Variants in MAF observed in about 807,000 individuals in gnomAD.
MAF encodes the protein MAF bZIP transcription factor, also known as transcription factor Maf.
MAF carries 10 observed loss-of-function variants against 22.0 expected under a neutral mutation model. That is an observed-to-expected ratio of 0.45 (90% CI 0.28 to 0.77). MAF has a LOEUF of 0.77. Among genes scored for constraint, MAF ranks in the 30% least tolerant of loss-of-function variants. The pLI is 0.12. For synonymous variants in MAF, 337 were observed against 255.8 expected, an observed-to-expected ratio of 1.32 and a Z score of -3.03; for missense variants, 544 against 548.4, an observed-to-expected ratio of 0.99 and a Z score of 0.08.
At chr16:79,440,638 G>A in the MAF span, among the ~76,000 whole-genome samples, 2,256 of 152,242 alleles carry the variant, frequency 0.015, 54 homozygotes, top group African/African-American at 0.051. Context: ...GTTTCACCAT[G>A]TTGACCTCGT....
At chr16:79,254,748 A>G in the MAF span, among the ~76,000 whole-genome samples, 1 of 152,166 alleles carries the variant, frequency 6.6e-6, no homozygotes, top group Non-Finnish European at 1.5e-5. Context: ...ACACCAAACC[A>G]TGCCCTTCCC....
intron 1 of MAF, chr16:79,596,868 G>A (rs1445272855): frequency 1.2e-5 from 13 of 1,048,022 alleles, no homozygotes; most frequent in East Asian, 5.6e-5. Flanking sequence ...TTTTATTAGC[G>A]TTCTAAACAG....
chr16:79,412,154 G>C, the MAF span, among the ~76,000 whole-genome samples: 1 of 152,150 alleles, frequency 6.6e-6, no homozygotes, highest in Non-Finnish European at 1.5e-5. Context: ...CTGTGACTGG[G>C]GGTAATTTAG....
At chr16:79,352,254 C>G in the MAF span, among the ~76,000 whole-genome samples, 1 of 152,160 alleles carries the variant, frequency 6.6e-6, no homozygotes, top group Non-Finnish European at 1.5e-5. Context: ...CACGGGGAGA[C>G]TCTTTTACCT....
At chr16:79,203,439 A>C in the MAF span, 1 of 151,678 alleles carries the variant, frequency 6.6e-6, no homozygotes, top group African/African-American at 2.4e-5. Context: ...TTGTTTCTGG[A>C]AGGCAGAGTT....
At chr16:79,580,373 C>T in the MAF span, among the ~76,000 whole-genome samples, 87 of 152,260 alleles carry the variant, frequency 5.7e-4, no homozygotes, top group African/African-American at 2.0e-3. Flanking sequence ...ACACGGTTCC[C>T]CCAAACTGCA....
At chr16:79,320,467 G>A in the MAF span, among the ~76,000 whole-genome samples, 1 of 152,222 alleles carries the variant, frequency 6.6e-6, no homozygotes, top group East Asian at 1.9e-4. Context: ...CAGTGGAAAT[G>A]TAGGCCCATC....
chr16:79,407,181 C>G, the MAF span, among the ~76,000 whole-genome samples: 1 of 152,130 alleles, frequency 6.6e-6, no homozygotes, highest in Non-Finnish European at 1.5e-5. Flanking sequence ...CCCTGGTACC[C>G]ATGAAGAAGA....
At chr16:79,559,347 T>C in the MAF span, among the ~76,000 whole-genome samples, 7 of 152,194 alleles carry the variant, frequency 4.6e-5, no homozygotes, top group Admixed American at 3.9e-4. Context: ...CAGTTATTCA[T>C]GGTCCTCAAC....
At chr16:79,387,156 A>G in the MAF span, among the ~76,000 whole-genome samples, 6 of 152,232 alleles carry the variant, frequency 3.9e-5, no homozygotes, top group African/African-American at 1.2e-4. Flanking sequence ...CAGCAGCAGC[A>G]CACAGCAATA....
chr16:79,372,115 C>T, the MAF span, among the ~76,000 whole-genome samples: 6 of 137,954 alleles, frequency 4.3e-5, no homozygotes, highest in Non-Finnish European at 6.1e-5. Context: ...CAGTTTCAGG[C>T]TATAATTTCC....
At chr16:79,242,449 G>T in the MAF span, among the ~76,000 whole-genome samples, 1 of 150,866 alleles carries the variant, frequency 6.6e-6, no homozygotes, top group Non-Finnish European at 1.5e-5. Flanking sequence ...GATCAAAAGA[G>T]ACAAAGAAGG....
chr16:79,213,084 C>A, the MAF span, among the ~76,000 whole-genome samples: 2 of 152,194 alleles, frequency 1.3e-5, no homozygotes, highest in African/African-American at 4.8e-5. Flanking sequence ...AAGCTCTTAT[C>A]TGCGCATCCC....
the MAF span, among the ~76,000 whole-genome samples, chr16:79,498,964 G>C: frequency 6.6e-6 from 1 of 152,296 alleles, no homozygotes; most frequent in African/African-American, 2.4e-5. Context: ...ATTACAGAAA[G>C]ATACTTCCAA....
At chr16:79,280,579 G>C in the MAF span, among the ~76,000 whole-genome samples, 3 of 152,124 alleles carry the variant, frequency 2.0e-5, no homozygotes, top group African/African-American at 7.2e-5. Flanking sequence ...AGTTTCCTAG[G>C]GCTGCTTGAA....
the MAF span, among the ~76,000 whole-genome samples, chr16:79,428,208 C>A: frequency 1.3e-5 from 2 of 151,700 alleles, no homozygotes; most frequent in African/African-American, 2.4e-5. Flanking sequence ...TTTCAGCTAC[C>A]CTCACCTCCT....
At chr16:79,249,144 G>A in the MAF span, among the ~76,000 whole-genome samples, 3 of 152,148 alleles carry the variant, frequency 2.0e-5, no homozygotes, top group Admixed American at 6.6e-5. Flanking sequence ...TTGAGGCCGG[G>A]TGCGGTGGCT....
At chr16:79,588,181 A>G (rs1043290025) in intron 1 of MAF, among the ~76,000 whole-genome samples, 10 of 152,204 alleles carry the variant, frequency 6.6e-5, no homozygotes, top group African/African-American at 2.2e-4. Flanking sequence ...TGCACAGTGC[A>G]GTAAATTTAC....
chr16:79,442,430 A>G, the MAF span, among the ~76,000 whole-genome samples: 8 of 152,142 alleles, frequency 5.3e-5, no homozygotes, highest in African/African-American at 1.7e-4. Flanking sequence ...GGAATGTAGC[A>G]GCCCAGTTGT....
Sources: gnomAD v4.1 joint callset for allele counts (sites outside exome capture counted in the v4.1 genomes callset) on GRCh38, gnomAD v4.1.1 for gene constraint, MANE v1.5 for transcripts, NCBI Gene and HGNC (gene_info 2026-07-23, HGNC 2026-07-21) for gene names.